UPP2: variants seen among roughly 807,000 people sequenced by gnomAD.
UPP2 encodes uridine phosphorylase 2, also known as UPase 2.
A neutral mutation model predicts 26.7 loss-of-function variants in UPP2; 23 were observed. The ratio of observed to expected loss-of-function variants is 0.86; its 90% CI spans 0.62 to 1.22. UPP2 has a LOEUF of 1.22. UPP2 is among the 50% of genes most tolerant of loss of function. The pLI, the probability that UPP2 is intolerant of heterozygous loss-of-function variation, is 0.00. For synonymous variants in UPP2, 127 were observed against 141.3 expected (o/e 0.90, Z 0.72); for missense variants, 387 against 396.7 (o/e 0.98, Z 0.21).
At chr2:158,057,279 C>T (rs909190321) in intron 3 of UPP2, among the ~76,000 whole-genome samples, 1 of 152,088 alleles carries the variant, frequency 6.6e-6, no homozygotes, top group African/African-American at 2.4e-5. Context: ...ATGCACAGCC[C>T]GCACCTAAGG....
chr2:158,118,500 C>T (rs1433183191), intron 4 of UPP2, among the ~76,000 whole-genome samples: 1 of 151,986 alleles, frequency 6.6e-6, no homozygotes, highest in African/African-American at 2.4e-5. Context: ...GCCTCCCAAC[C>T]TCCCTTCTTC....
intron 4 of UPP2, among the ~76,000 whole-genome samples, chr2:158,119,251 C>G (rs768078829): frequency 2.0e-5 from 3 of 151,948 alleles, no homozygotes; most frequent in Non-Finnish European, 4.4e-5. Flanking sequence ...GCAAGGTGCT[C>G]CAATGATCAT....
chr2:158,011,287 T>C (rs2105141183), intron 2 of UPP2, among the ~76,000 whole-genome samples: 1 of 152,254 alleles, frequency 6.6e-6, no homozygotes, highest in East Asian at 1.9e-4. Context: ...AGGAAATGGG[T>C]GATTCAGAAA....
chr2:158,096,999 TAA>T (rs1682995918), upstream of UPP2, among the ~76,000 whole-genome samples: 1 of 152,268 alleles, frequency 6.6e-6, no homozygotes, highest in South Asian at 2.1e-4. Flanking sequence ...AAATTAATAT[TAA>T]GTCTGGTAGA....
chr2:158,089,508 A>G (rs566552798), intron 3 of UPP2, among the ~76,000 whole-genome samples: 2 of 152,254 alleles, frequency 1.3e-5, no homozygotes, highest in South Asian at 4.1e-4. Context: ...CCCGACCCCA[A>G]CTTCTGTCCA....
chr2:158,067,320 T>C (rs1480009693), intron 3 of UPP2, among the ~76,000 whole-genome samples: 1 of 151,058 alleles, frequency 6.6e-6, no homozygotes. Context: ...TTGTAAAAAC[T>C]TAGTGTGAGA....
chr2:158,048,431 C>T (rs12474160), intron 3 of UPP2, among the ~76,000 whole-genome samples: 2 of 152,138 alleles, frequency 1.3e-5, no homozygotes, highest in Admixed American at 1.3e-4. Flanking sequence ...AATAGTGACA[C>T]CCCATCTCTA....
chr2:158,055,573 C>T (rs1001464528), intron 3 of UPP2, among the ~76,000 whole-genome samples: 1 of 152,150 alleles, frequency 6.6e-6, no homozygotes, highest in African/African-American at 2.4e-5. Flanking sequence ...TGATAGCCCT[C>T]TAAAAGTATT....
intron 3 of UPP2, among the ~76,000 whole-genome samples, chr2:158,020,434 A>T (rs1472877125): frequency 6.6e-6 from 1 of 152,236 alleles, no homozygotes; most frequent in African/African-American, 2.4e-5. Flanking sequence ...ATTTCCCCTC[A>T]AGTCCAGAGA....
At chr2:158,020,462 G>C (rs564376612) in intron 3 of UPP2, among the ~76,000 whole-genome samples, 162 of 152,344 alleles carry the variant, frequency 1.1e-3, no homozygotes, top group Middle Eastern at 3.4e-3. Flanking sequence ...GCAGGGTGGA[G>C]CTGGCATCTC....
intron 3 of UPP2, among the ~76,000 whole-genome samples, chr2:158,029,901 G>A (rs1054934339): frequency 9.9e-5 from 15 of 151,256 alleles, no homozygotes; most frequent in Admixed American, 4.6e-4. Context: ...ACAAAAATGC[G>A]TTTTAGAAAG....
At chr2:158,132,664 G>A (rs1434493909) in intron 6 of UPP2, among the ~76,000 whole-genome samples, 1 of 152,028 alleles carries the variant, frequency 6.6e-6, no homozygotes, top group Non-Finnish European at 1.5e-5. Flanking sequence ...GAACATACAA[G>A]GAACTCAAAC....
chr2:158,087,048 TTC>T (rs954511045), intron 3 of UPP2, among the ~76,000 whole-genome samples: 2 of 152,290 alleles, frequency 1.3e-5, no homozygotes, highest in Non-Finnish European at 2.9e-5. Context: ...TTTGTTGACT[TTC>T]TGTCATGATG....
At chr2:158,030,069 T>G (rs1332923944) in intron 3 of UPP2, among the ~76,000 whole-genome samples, 1 of 152,208 alleles carries the variant, frequency 6.6e-6, no homozygotes, top group East Asian at 1.9e-4. Flanking sequence ...GGAAAGTTTA[T>G]GGTTTGAAAG....
chr2:158,101,416 A>G (rs978097231), upstream of UPP2, among the ~76,000 whole-genome samples: 2 of 152,220 alleles, frequency 1.3e-5, no homozygotes, highest in African/African-American at 4.8e-5. Context: ...TTTAATTATC[A>G]GTTCTTCTGT....
At chr2:158,101,187 A>T (rs1683069264), upstream of UPP2, among the ~76,000 whole-genome samples, 1 of 152,260 alleles carries the variant, frequency 6.6e-6, no homozygotes. Flanking sequence ...AAAAAAGATC[A>T]GGATGAAGTT....
chr2:158,011,754 C>T (rs1050374968), intron 2 of UPP2, among the ~76,000 whole-genome samples: 4 of 152,186 alleles, frequency 2.6e-5, no homozygotes, highest in African/African-American at 9.7e-5. Flanking sequence ...AACAGACTTC[C>T]TCCTTTCCTC....
chr2:158,034,245 G>A (rs1183551612), intron 3 of UPP2, among the ~76,000 whole-genome samples: 1 of 152,158 alleles, frequency 6.6e-6, no homozygotes, highest in African/African-American at 2.4e-5. Flanking sequence ...GAAGCTGCCT[G>A]GGGACTCTCA....
At chr2:158,088,529 G>A (rs1477671420) in intron 3 of UPP2, among the ~76,000 whole-genome samples, 3 of 152,196 alleles carry the variant, frequency 2.0e-5, no homozygotes, top group Admixed American at 6.5e-5. Context: ...GTGAGCCAGT[G>A]TGATCTTTTA....
Sources: allele counts gnomAD v4.1 joint callset (sites outside exome capture counted in the v4.1 genomes callset), GRCh38; gene constraint gnomAD v4.1.1; transcripts MANE v1.5; gene names NCBI Gene and HGNC (gene_info 2026-07-23, HGNC 2026-07-21).